The following MTMR9 variants were observed in gnomAD, a reference collection of about 807,000 sequenced individuals.
The protein encoded by MTMR9 is myotubularin related protein 9.
A neutral mutation model predicts 69.5 loss-of-function variants in MTMR9; 39 were observed. The observed-to-expected ratio is 0.56, with a 90% CI of 0.43 to 0.73. MTMR9 has a LOEUF of 0.73. Among genes scored for constraint, MTMR9 ranks in the 30% least tolerant of loss-of-function variants. The pLI, the probability that MTMR9 is intolerant of heterozygous loss-of-function variation, is 0.00. For missense variants in MTMR9, 900 were observed against 671.2 expected (o/e 1.34, Z -3.77); for synonymous variants, 354 against 240.8 (o/e 1.47, Z -4.35).
downstream of MTMR9, chr8:11,330,839 G>A: frequency 1.9e-6 from 1 of 539,892 alleles, no homozygotes; most frequent in Non-Finnish European, 3.2e-6. Context: ...TTGTTTATCT[G>A]CTGACCTTCC....
At chr8:11,328,943 G>C (rs907396373), downstream of MTMR9, among the ~76,000 whole-genome samples, 1 of 152,144 alleles carries the variant, frequency 6.6e-6, no homozygotes, top group African/African-American at 2.4e-5. Context: ...AATCCATTCT[G>C]TATTAATTTT....
At chr8:11,286,945 T>C (rs1044317104) in intron 1 of MTMR9, among the ~76,000 whole-genome samples, 5 of 152,216 alleles carry the variant, frequency 3.3e-5, no homozygotes, top group African/African-American at 1.2e-4. Flanking sequence ...CTCCCAAGTT[T>C]GTTTAACATT....
intron 7 of MTMR9, among the ~76,000 whole-genome samples, chr8:11,315,520 A>G (rs955478253): frequency 6.6e-6 from 1 of 152,234 alleles, no homozygotes; most frequent in African/African-American, 2.4e-5. Context: ...CTGCCAAAAT[A>G]AAAGTCTCAC....
chr8:11,335,186 A>G, the MTMR9 span, among the ~76,000 whole-genome samples: 1 of 152,254 alleles, frequency 6.6e-6, no homozygotes, highest in Non-Finnish European at 1.5e-5. Context: ...ATAAGCAACC[A>G]TAATCTCCTA....
intron 2 of MTMR9, 47 bp from the exon 3 acceptor site, chr8:11,299,976 C>T: frequency 6.3e-7 from 1 of 1,587,802 alleles, no homozygotes; most frequent in Non-Finnish European, 8.6e-7. Flanking sequence ...AATATGTTTC[C>T]AGTTGTGGAT....
rs529570773 is a variant in MTMR9 at position 11,324,544 on chromosome 8, T to C, written c.*1756T>C. 6.6e-6 allele frequency: 1 copy of C among 152,280 alleles called. No homozygotes were observed. The highest frequency in any genetic ancestry group is 2.1e-4 in the South Asian group (1 of 4,832). The allele number at this position is 152,280 out of a possible 1,614,324, so 9.4% of individuals were successfully genotyped here. A position where few individuals can be genotyped will look rare whatever the true frequency, so the allele number is the denominator to read the frequency against. On this transcript the variant is annotated 3_prime_UTR_variant, in exon 10 of 10. Transcript: ENST00000221086. Reference sequence around the variant, plus strand: ...AAAAAAAAAAGGAAACAGCCTCACTTTTTTGTGCTCCCTCAGAATTGCTTG... The same window carrying C: ...AAAAAAAAAAGGAAACAGCCTCACTCTTTTGTGCTCCCTCAGAATTGCTTG...
At chr8:11,317,264 A>G (rs1474693475) in intron 8 of MTMR9, 1 of 154,160 alleles carries the variant, frequency 6.5e-6, no homozygotes, top group Non-Finnish European at 1.4e-5. Flanking sequence ...TTTTCCCAGG[A>G]CATAGAGTCA....
rs753113203 is a variant in MTMR9, at chr8:11,300,157, A to G, written c.417+9A>G. 5 of 1,611,706 alleles carry G rather than the reference A, an allele frequency of 3.1e-6. No individual in the cohort carries two copies. The Admixed American group carries it at 8.3e-5, about 27-fold the overall frequency. ...AACTCTATTCTTCAGCTGTGAGTTA[A>G]CTTTTGAGAACTGTGGATTATGAGA... is the stretch of plus-strand genomic sequence containing the variant. On this transcript the variant is annotated intron_variant, in intron 3 of 9. Transcript: ENST00000221086.
In MTMR9 at chr8:11,287,745, C is replaced by G. The variant is rs573149318; in HGVS notation, c.182+2675C>G. On this transcript the variant is annotated intron_variant, in intron 1 of 9. Transcript: ENST00000221086. ...TATATTATATATTATATATTATTTTCTTATATATTTATTATTTATTTATTA... is the reference window on the plus strand; with the variant it reads ...TATATTATATATTATATATTATTTTGTTATATATTTATTATTTATTTATTA... Among the ~76,000 whole-genome samples, 318 of 124,414 alleles carry G rather than the reference C, an allele frequency of 2.6e-3. 1 individual carries two copies. Among genetic ancestry groups the G allele is most frequent in the African/African-American group, 9.6e-3 (308 of 32,060 alleles). 81.6% of individuals were successfully genotyped at this position (124,414 alleles called of 152,430 possible).
At position 11,319,815 on chromosome 8, in the gene MTMR9, C is replaced by G; in HGVS notation, c.1463C>G (p.Pro488Arg). The G allele has an allele frequency of 6.2e-7, 1 of 1,614,102 alleles. No homozygotes were observed. Residue 488 changes from proline to arginine, a missense_variant, in exon 9 of 10, where the codon CCG becomes CGG. Transcript: ENST00000221086. Reference protein sequence around the residue: ...NNLVIWPSVAPQSLPLWEGIF... With the variant: ...NNLVIWPSVARQSLPLWEGIF... The stretch of plus-strand genomic sequence containing the variant: ...CTTGTCATCTGGCCTTCAGTTGCTC[C>G]GCAGAGTCTTCCACTGTGGGAAGGT...
At chr8:11,308,449 T>A (rs1418695671) in intron 5 of MTMR9, among the ~76,000 whole-genome samples, 2 of 152,248 alleles carry the variant, frequency 1.3e-5, no homozygotes, top group Non-Finnish European at 2.9e-5. Flanking sequence ...TTGTAGCATA[T>A]TTTAAAATCA....
intron 9 of MTMR9, chr8:11,320,783 T>C (rs1465427317): frequency 6.6e-6 from 1 of 152,228 alleles, no homozygotes; most frequent in Non-Finnish European, 1.5e-5. Context: ...AACTATATAG[T>C]GTTTCATTAA....
intron 2 of MTMR9, among the ~76,000 whole-genome samples, chr8:11,297,340 G>A (rs1799596781): frequency 1.3e-5 from 2 of 152,206 alleles, no homozygotes; most frequent in South Asian, 4.1e-4. Context: ...AAGATGAACT[G>A]AACTGTTTGT....
At chr8:11,337,553 A>G in the MTMR9 span, among the ~76,000 whole-genome samples, 1 of 152,174 alleles carries the variant, frequency 6.6e-6, no homozygotes, top group Non-Finnish European at 1.5e-5. Flanking sequence ...CATGTATTCA[A>G]TGAAGTGGTC....
intron 9 of MTMR9, chr8:11,321,600 G>T (rs1207963982): frequency 2.4e-6 from 1 of 424,158 alleles, no homozygotes; most frequent in Non-Finnish European, 4.8e-6. Context: ...TCAACCTAGA[G>T]CTGGGAGAAG....
the MTMR9 span, among the ~76,000 whole-genome samples, chr8:11,338,951 C>G: frequency 6.6e-6 from 1 of 152,154 alleles, no homozygotes; most frequent in Non-Finnish European, 1.5e-5. Context: ...GATATAACAT[C>G]TGAACTGATA....
In MTMR9 at chr8:11,287,938, TTA is replaced by T. The variant is rs555018933; in HGVS notation, c.182+2874_182+2875del. On this transcript the variant is annotated intron_variant, in intron 1 of 9. Coordinates refer to ENST00000221086, the MANE Select transcript of MTMR9 (RefSeq NM_015458.4). ...TGTATTATATATTATATAATATGTGTTATATATCATACGTATTATATACTATG... is the reference window on the plus strand; with the variant it reads ...TGTATTATATATTATATAATATGTGTTATATCATACGTATTATATACTATG... Among the ~76,000 whole-genome samples the T allele has an allele frequency of 4.1e-3, 530 of 128,946 alleles. 5 individuals are homozygous for T. The highest frequency in any genetic ancestry group is 0.015 in the African/African-American group (509 of 34,136). The allele number at this position is 128,946 out of a possible 152,430, so 84.6% of individuals were successfully genotyped here.
At chr8:11,308,810 G>C (rs1050061046) in intron 5 of MTMR9, among the ~76,000 whole-genome samples, 24 of 152,260 alleles carry the variant, frequency 1.6e-4, no homozygotes, top group African/African-American at 4.6e-4. Flanking sequence ...GCCAGCCTTT[G>C]TGTTTGATAG....
At chr8:11,315,147 A>T in intron 7 of MTMR9, 83 bp downstream of exon 7, 1 of 1,505,402 alleles carries the variant, frequency 6.6e-7, no homozygotes, top group Admixed American at 1.9e-5. Context: ...ATAATGTGTG[A>T]AATTTCGATT....
Sources: gnomAD v4.1 joint callset for allele counts (sites outside exome capture counted in the v4.1 genomes callset) on GRCh38, gnomAD v4.1.1 for gene constraint, MANE v1.5 for transcripts, NCBI Gene and HGNC (gene_info 2026-07-23, HGNC 2026-07-21) for gene names.